RBFOX1: variants seen among roughly 807,000 people sequenced by gnomAD.
The protein encoded by RBFOX1 is RNA binding protein fox-1 homolog 1.
Under a neutral mutation model 57.7 loss-of-function variants are expected in RBFOX1, and 8 were observed. The observed-to-expected ratio is 0.14, with a 90% CI of 0.08 to 0.25. The LOEUF (loss-of-function observed/expected upper bound fraction) is 0.25, where lower values mean the gene tolerates loss of function less well. Ranked by LOEUF, RBFOX1 falls within the 10% of genes least tolerant of loss-of-function variation. The pLI is 1.00. For synonymous variants in RBFOX1, 326 were observed against 222.4 expected, an observed-to-expected ratio of 1.47 and a Z score of -4.15; for missense variants, 611 against 548.5, an observed-to-expected ratio of 1.11 and a Z score of -1.14.
intron 3 of RBFOX1, among the ~76,000 whole-genome samples, chr16:5,650,624 C>G (rs931238441): frequency 6.6e-6 from 1 of 152,158 alleles, no homozygotes; most frequent in African/African-American, 2.4e-5. Flanking sequence ...CTGCCAGCTG[C>G]TTAGATAAAC....
chr16:6,807,679 G>T (rs1168312775), intron 3 of RBFOX1, among the ~76,000 whole-genome samples: 1 of 152,044 alleles, frequency 6.6e-6, no homozygotes, highest in Admixed American at 6.6e-5. Flanking sequence ...GGCTGGGCAT[G>T]GTGGCAGACG....
chr16:5,255,534 A>G (rs1351037424), intron 1 of RBFOX1, among the ~76,000 whole-genome samples: 2 of 151,410 alleles, frequency 1.3e-5, no homozygotes, highest in African/African-American at 4.9e-5. Context: ...CTATCCACCC[A>G]TTCACTCATC....
rs150004509 is a variant in RBFOX1, at chr16:6,149,785, T to C, written c.-127+129793T>C. Among the ~76,000 whole-genome samples the C allele has an allele frequency of 7.5e-4, 114 of 152,298 alleles. No homozygotes were observed. The Middle Eastern group carries it at 0.02, about 27-fold the overall frequency. The stretch of plus-strand genomic sequence containing the variant: ...GATTCTCTTACCTGCACTTTAGCAA[T>C]GTTGGGAGGATAGAACTTATTTGGA... On this transcript the variant is annotated intron_variant, in intron 1 of 15. Coordinates refer to ENST00000550418, the MANE Select transcript of RBFOX1 (RefSeq NM_018723.4).
intron 1 of RBFOX1, among the ~76,000 whole-genome samples, chr16:5,297,762 A>G (rs181410674): frequency 3.0e-4 from 46 of 152,346 alleles, no homozygotes; most frequent in Admixed American, 1.3e-3. Context: ...TACTGGTTGC[A>G]TGTAAGATTT....
intron 4 of RBFOX1, among the ~76,000 whole-genome samples, chr16:7,455,832 T>C (rs1316042130): frequency 1.3e-5 from 2 of 151,444 alleles, no homozygotes; most frequent in Admixed American, 1.3e-4. Flanking sequence ...CTGATTCACA[T>C]TTCAATCAAT....
At chr16:6,719,316 C>G (rs971415210) in intron 3 of RBFOX1, among the ~76,000 whole-genome samples, 1 of 152,052 alleles carries the variant, frequency 6.6e-6, no homozygotes, top group African/African-American at 2.4e-5. Context: ...CCCACTTAGA[C>G]AAAGCAATCA....
intron 1 of RBFOX1, among the ~76,000 whole-genome samples, chr16:5,294,763 G>A (rs867564433): frequency 6.6e-6 from 1 of 152,038 alleles, no homozygotes; most frequent in Non-Finnish European, 1.5e-5. Flanking sequence ...AGGTGCAGTG[G>A]CTCACGCCTG....
intron 4 of RBFOX1, among the ~76,000 whole-genome samples, chr16:7,082,311 T>A (rs2059324022): frequency 6.6e-6 from 1 of 152,120 alleles, no homozygotes; most frequent in African/African-American, 2.4e-5. Flanking sequence ...CTGGGCGTGG[T>A]CGTTTCTGCC....
chr16:7,116,761 A>G (rs1230303202), intron 4 of RBFOX1, among the ~76,000 whole-genome samples: 1 of 152,164 alleles, frequency 6.6e-6, no homozygotes, highest in Non-Finnish European at 1.5e-5. Context: ...TTTGGATGAC[A>G]GGTATTGACC....
chr16:7,460,376 T>TATATATATATATATAC (rs1567284690), intron 4 of RBFOX1, among the ~76,000 whole-genome samples: 2 of 83,658 alleles, frequency 2.4e-5, no homozygotes, highest in East Asian at 5.2e-4. Context: ...GCAAAATATA[T>TATATATATATATATAC]ATATATATAT....
intron 2 of RBFOX1, among the ~76,000 whole-genome samples, chr16:6,401,195 G>A (rs764020399): frequency 2.6e-5 from 4 of 152,266 alleles, no homozygotes; most frequent in Non-Finnish European, 2.9e-5. Flanking sequence ...AGAATGATGG[G>A]AGCATGTCCA....
chr16:5,377,961 T>C (rs868791360), intron 1 of RBFOX1, among the ~76,000 whole-genome samples: 1 of 151,638 alleles, frequency 6.6e-6, no homozygotes, highest in Non-Finnish European at 1.5e-5. Flanking sequence ...AATTTTCTTT[T>C]CTTTCTTTTA....
chr16:6,857,517 A>T (rs944900510), intron 3 of RBFOX1, among the ~76,000 whole-genome samples: 1 of 152,150 alleles, frequency 6.6e-6, no homozygotes, highest in South Asian at 2.1e-4. Flanking sequence ...TTAAATTTCA[A>T]AATTACTATT....
intron 4 of RBFOX1, among the ~76,000 whole-genome samples, chr16:5,955,341 TAAAATAAAATAAATAAAAATAAAA>T (rs1567187737): frequency 0.18 from 7,397 of 42,224 alleles, 819 homozygotes; most frequent in East Asian, 0.18. Context: ...TAAAATAAAA[TAAAATAAAATAAATAAAAATAAAA>T]TAAAATAAAA....
intron 3 of RBFOX1, among the ~76,000 whole-genome samples, chr16:6,672,811 A>C (rs1412675160): frequency 6.6e-6 from 1 of 152,192 alleles, no homozygotes; most frequent in East Asian, 1.9e-4. Flanking sequence ...TCTCTTCCCA[A>C]GTAATCCTAA....
rs547581661 is a variant in RBFOX1, at chr16:7,340,601, G to C, written c.28-177546G>C. On this transcript the variant is annotated intron_variant, in intron 4 of 15. Transcript: ENST00000550418. Reference sequence around the variant, plus strand: ...TCCAACAACACAATAATCAGTGCAAGATTGTGTTTCTCAGATTCATGATCC... The same window carrying C: ...TCCAACAACACAATAATCAGTGCAACATTGTGTTTCTCAGATTCATGATCC... Among the ~76,000 whole-genome samples the C allele has an allele frequency of 2.0e-5, 3 of 152,286 alleles. No individual in the cohort carries two copies. The South Asian group carries it at 6.2e-4, about 32-fold the overall frequency.
In RBFOX1 at chr16:5,858,334, G is replaced by A. The variant is rs559653964; in HGVS notation, c.319-8969G>A. 2.6e-5 allele frequency among the ~76,000 whole-genome samples: 4 copies of A among 152,222 alleles called. No individual in the cohort carries two copies. In the East Asian group the frequency reaches 5.8e-4, roughly 22 times the overall value. ...TTCAGATAATGTTTGCAATCTCCCC[G>A]TGTTTTCTACCATGTGTCAGGGTGA... On this transcript the variant is annotated intron_variant, in intron 3 of 19. Transcript: ENST00000641259.
intron 4 of RBFOX1, among the ~76,000 whole-genome samples, chr16:7,293,763 A>C (rs962332767): frequency 6.6e-6 from 1 of 152,178 alleles, no homozygotes; most frequent in African/African-American, 2.4e-5. Context: ...AGTTTTGCAG[A>C]TAAACCTAGT....
intron 3 of RBFOX1, among the ~76,000 whole-genome samples, chr16:6,669,578 C>T (rs1213301497): frequency 1.3e-5 from 2 of 152,108 alleles, no homozygotes; most frequent in East Asian, 1.9e-4. Context: ...ATGAAAAAGT[C>T]GTTAGAATCA....
Sources: gnomAD v4.1 joint callset for allele counts (sites outside exome capture counted in the v4.1 genomes callset) on GRCh38, gnomAD v4.1.1 for gene constraint, MANE v1.5 for transcripts, NCBI Gene and HGNC (gene_info 2026-07-23, HGNC 2026-07-21) for gene names.